MACROD2: variants seen among roughly 807,000 people sequenced by gnomAD.
MACROD2 encodes ADP-ribose glycohydrolase MACROD2.
In MACROD2, 36 loss-of-function variants were observed where a neutral mutation model predicts 70.4. That is an observed-to-expected ratio of 0.51 (90% CI 0.39 to 0.68). The LOEUF (loss-of-function observed/expected upper bound fraction) is 0.68, where lower values mean the gene tolerates loss of function less well. MACROD2 is among the 30% of genes least tolerant of loss of function. The pLI is 0.00. For synonymous variants in MACROD2, 172 were observed against 178.8 expected (o/e 0.96, Z 0.30); for missense variants, 496 against 538.4 (o/e 0.92, Z 0.78).
At chr20:14,624,240 T>G (rs1441540249) in intron 4 of MACROD2, among the ~76,000 whole-genome samples, 1 of 152,142 alleles carries the variant, frequency 6.6e-6, no homozygotes, top group Non-Finnish European at 1.5e-5. Context: ...AAGGAGAAAC[T>G]ATTGCAATTA....
chr20:14,479,317 G>T (rs1299782607), intron 3 of MACROD2, among the ~76,000 whole-genome samples: 1 of 152,142 alleles, frequency 6.6e-6, no homozygotes, highest in African/African-American at 2.4e-5. Flanking sequence ...CCGTGCTGGT[G>T]CTGTCCTGTG....
At chr20:15,036,521 A>T (rs1217648833) in intron 5 of MACROD2, among the ~76,000 whole-genome samples, 5 of 152,160 alleles carry the variant, frequency 3.3e-5, no homozygotes, top group Non-Finnish European at 7.4e-5. Context: ...TTCAGTACAT[A>T]CTAAAGTTTG....
chr20:15,360,369 G>A (rs1040867518), intron 6 of MACROD2, among the ~76,000 whole-genome samples: 24 of 152,100 alleles, frequency 1.6e-4, no homozygotes, highest in Admixed American at 1.3e-4. Context: ...TGGCATAAAT[G>A]CTTTATGAAC....
chr20:15,997,774 T>C (rs993974325), intron 15 of MACROD2, among the ~76,000 whole-genome samples: 1 of 152,174 alleles, frequency 6.6e-6, no homozygotes, highest in African/African-American at 2.4e-5. Flanking sequence ...TTCTTGACCT[T>C]AGAGGAAAAG....
chr20:14,666,078 GC>G (rs2070733929), intron 4 of MACROD2, among the ~76,000 whole-genome samples: 1 of 152,014 alleles, frequency 6.6e-6, no homozygotes, highest in South Asian at 2.1e-4. Context: ...TATGACCATG[GC>G]CCGTGAGGCA....
chr20:14,021,815 T>A (rs1045846059), intron 2 of MACROD2, among the ~76,000 whole-genome samples: 1 of 152,110 alleles, frequency 6.6e-6, no homozygotes, highest in African/African-American at 2.4e-5. Flanking sequence ...GGTAGAGGTA[T>A]AGGAGTGTTT....
At chr20:14,201,071 C>T (rs895144562) in intron 3 of MACROD2, among the ~76,000 whole-genome samples, 1 of 151,782 alleles carries the variant, frequency 6.6e-6, no homozygotes, top group Admixed American at 6.6e-5. Flanking sequence ...TTTACAAAGG[C>T]CTTTCATTTA....
At chr20:14,847,806 T>G (rs959685979) in intron 5 of MACROD2, among the ~76,000 whole-genome samples, 1 of 152,156 alleles carries the variant, frequency 6.6e-6, no homozygotes, top group African/African-American at 2.4e-5. Context: ...ATTAATGAGC[T>G]GTTTGCCACC....
chr20:15,952,823 T>A (rs1301554346), intron 12 of MACROD2, among the ~76,000 whole-genome samples: 2 of 152,154 alleles, frequency 1.3e-5, no homozygotes, highest in Admixed American at 6.6e-5. Flanking sequence ...ATACTTAGGT[T>A]GGGTAACATG....
chr20:15,484,637 A>T (rs1197190777), intron 7 of MACROD2, among the ~76,000 whole-genome samples: 3 of 152,150 alleles, frequency 2.0e-5, no homozygotes, highest in Non-Finnish European at 4.4e-5. Context: ...GCATGTTTCA[A>T]GATGTTTCTT....
chr20:15,363,822 T>C (rs1044791870), intron 6 of MACROD2, among the ~76,000 whole-genome samples: 2 of 152,216 alleles, frequency 1.3e-5, no homozygotes, highest in Non-Finnish European at 2.9e-5. Context: ...TATAGCACTT[T>C]ATATTTTGCA....
intron 8 of MACROD2, among the ~76,000 whole-genome samples, chr20:15,612,423 CTCTG>C (rs1353923944): frequency 6.6e-6 from 1 of 152,226 alleles, no homozygotes; most frequent in Non-Finnish European, 1.5e-5. Flanking sequence ...ATTACATTAT[CTCTG>C]TCTTCTCCCA....
At chr20:14,177,452 G>A (rs1381109252) in intron 3 of MACROD2, among the ~76,000 whole-genome samples, 1 of 151,958 alleles carries the variant, frequency 6.6e-6, no homozygotes, top group Non-Finnish European at 1.5e-5. Flanking sequence ...AAGTAGCTGG[G>A]ATTACAGGTA....
intron 3 of MACROD2, among the ~76,000 whole-genome samples, chr20:14,257,645 A>G (rs1331161816): frequency 6.6e-6 from 1 of 152,208 alleles, no homozygotes; most frequent in Non-Finnish European, 1.5e-5. Context: ...AAATATAAAG[A>G]GAGACAAAAT....
At chr20:14,869,772 A>G (rs1340255147) in intron 5 of MACROD2, among the ~76,000 whole-genome samples, 1 of 152,164 alleles carries the variant, frequency 6.6e-6, no homozygotes, top group Non-Finnish European at 1.5e-5. Context: ...TGTAGAGAGC[A>G]GCCATTATTA....
At chr20:14,265,967 G>C (rs1275215338) in intron 3 of MACROD2, among the ~76,000 whole-genome samples, 1 of 151,918 alleles carries the variant, frequency 6.6e-6, no homozygotes, top group Non-Finnish European at 1.5e-5. Flanking sequence ...TAGTAGAGAC[G>C]GGGTTTCACC....
intron 8 of MACROD2, among the ~76,000 whole-genome samples, chr20:15,697,003 A>G (rs1440850798): frequency 6.6e-6 from 1 of 152,050 alleles, no homozygotes; most frequent in Non-Finnish European, 1.5e-5. Context: ...TCAAAGAACC[A>G]GCTTTTGTTT....
intron 4 of MACROD2, among the ~76,000 whole-genome samples, chr20:14,506,991 G>T (rs1186463825): frequency 1.3e-5 from 2 of 151,986 alleles, no homozygotes; most frequent in East Asian, 3.9e-4. Context: ...CCAGAGTTGC[G>T]ATACTATATC....
At chr20:15,390,603 A>G (rs950675385) in intron 6 of MACROD2, among the ~76,000 whole-genome samples, 1 of 152,140 alleles carries the variant, frequency 6.6e-6, no homozygotes, top group Non-Finnish European at 1.5e-5. Context: ...ATGGATATCT[A>G]TTACCTGCTC....
Sources: gnomAD v4.1 joint callset for allele counts (sites outside exome capture counted in the v4.1 genomes callset) on GRCh38, gnomAD v4.1.1 for gene constraint, MANE v1.5 for transcripts, NCBI Gene and HGNC (gene_info 2026-07-23, HGNC 2026-07-21) for gene names.